The following HNMT variants were observed in gnomAD, a reference collection of about 807,000 sequenced individuals.
The protein encoded by HNMT is histamine N-methyltransferase.
Under a neutral mutation model 32.1 loss-of-function variants are expected in HNMT, and 30 were observed. The observed-to-expected ratio is 0.93, with a 90% CI of 0.70 to 1.27. HNMT has a LOEUF of 1.27. Ranked by LOEUF, HNMT falls within the 50% of genes most tolerant of loss-of-function variation. HNMT has a pLI of 0.00. For synonymous variants in HNMT, 125 were observed against 119.0 expected (o/e 1.05, Z -0.33); for missense variants, 327 against 346.0 (o/e 0.95, Z 0.43).
At position 137,991,020 on chromosome 2, in the gene HNMT, AC is replaced by A. The variant is rs553677365; in HGVS notation, c.191-9894del. Among the ~76,000 whole-genome samples the A allele has an allele frequency of 4.6e-5, 7 of 152,128 alleles. No homozygotes were observed. In the South Asian group the frequency reaches 1.2e-3, roughly 27 times the overall value. Reference sequence around the variant, plus strand: ...CCAGCTTCAAGTTGAGGTTTCCACAACCCCTCTTTGGGTTTGATTAATTTAC... The same window carrying A: ...CCAGCTTCAAGTTGAGGTTTCCACAACCCTCTTTGGGTTTGATTAATTTAC... On this transcript the variant is annotated intron_variant, in intron 2 of 5. Transcript: ENST00000280097.
rs1397352208 is a variant in HNMT, at chr2:137,964,600, G to C, written c.109G>C (p.Asp37His). The C allele has an allele frequency of 1.9e-6, 3 of 1,613,836 alleles. No homozygotes were observed. The highest frequency in any genetic ancestry group is 1.7e-6 in the Non-Finnish European group (2 of 1,179,814). ...TEHQCMQEFM[D>H]KKLPGIIGRI... ...ACACCAGTGCATGCAGGAATTCATG[G>C]ACAAGAAGCTGCCAGGCATAATAGG... The change falls in exon 1 of 6, where the codon GAC becomes CAC. Residue 37 changes from aspartate (D) to histidine (H), a missense_variant. Physicochemically the swap from Asp to His is moderately conservative, Grantham distance 81. Coordinates refer to ENST00000280097, the MANE Select transcript of HNMT (RefSeq NM_006895.3).
chr2:138,014,371 T>C lies in HNMT; in HGVS notation c.*241T>C, dbSNP rs1189099704. Reference sequence around the variant, plus strand: ...CAAGCAGGCTCAACATAACATAAGCTAGAAAAATTAGATGACTGAATTTCT... The same window carrying C: ...CAAGCAGGCTCAACATAACATAAGCCAGAAAAATTAGATGACTGAATTTCT... On this transcript the variant is annotated 3_prime_UTR_variant, in exon 6 of 6. Transcript: ENST00000280097. The C allele has an allele frequency of 2.7e-6, 1 of 372,504 alleles. No individual in the cohort carries two copies. Among genetic ancestry groups the C allele is most frequent in the Non-Finnish European group, 4.8e-6 (1 of 207,580 alleles). The allele number at this position is 372,504 out of a possible 1,614,324, so 23.1% of individuals were successfully genotyped here. A position where few individuals can be genotyped will look rare whatever the true frequency, so the allele number is the denominator to read the frequency against.
chr2:137,995,461 A>G (rs924771940), intron 2 of HNMT, among the ~76,000 whole-genome samples: 1 of 152,182 alleles, frequency 6.6e-6, no homozygotes, highest in African/African-American at 2.4e-5. Context: ...CTAAGACTAG[A>G]CCAAGAAGAA....
rs758209010 is a variant in HNMT, at chr2:138,014,125, G to T, written c.874G>T (p.Ala292Ser). The change falls in exon 6 of 6, where the codon GCA becomes TCA. Residue 292 changes from alanine to serine, a missense_variant. Coordinates refer to ENST00000280097, the MANE Select transcript of HNMT (RefSeq NM_006895.3). ...TACTCTGAGTTTCATAGTGATTGAG[G>T]CATAACTATCAATCACAAAAGTATA... ...NNTLSFIVIE[A>S] The T allele has an allele frequency of 4.7e-6, 7 of 1,504,278 alleles. No individual in the cohort carries two copies. Among genetic ancestry groups the T allele is most frequent in the Non-Finnish European group, 6.4e-6 (7 of 1,101,460 alleles). 93.2% of individuals were successfully genotyped at this position (1,504,278 alleles called of 1,614,324 possible).
chr2:138,013,035 G>T (rs544151572), intron 5 of HNMT, among the ~76,000 whole-genome samples: 2 of 152,070 alleles, frequency 1.3e-5, no homozygotes, highest in African/African-American at 4.8e-5. Context: ...CTAATGTGCT[G>T]TTCCATACAG....
rs1681405925 is a variant in HNMT at position 138,008,715 on chromosome 2, C to T, written c.523+3490C>T. 2.0e-5 allele frequency among the ~76,000 whole-genome samples: 3 copies of T among 151,962 alleles called. No homozygotes were observed. In the South Asian group the frequency reaches 6.2e-4, roughly 32 times the overall value. On this transcript the variant is annotated intron_variant, in intron 5 of 5. Transcript: ENST00000280097. ...CAATAAATGGTGGTGGGATAACTGG[C>T]TAGCCATATGCAGAAGACTGAAGCC...
At chr2:137,968,862 T>G (rs1489568204) in intron 1 of HNMT, among the ~76,000 whole-genome samples, 5 of 152,206 alleles carry the variant, frequency 3.3e-5, no homozygotes, top group Non-Finnish European at 7.3e-5. Context: ...AAACACAGTT[T>G]TGTTTGCCAT....
At chr2:138,009,388 T>C (rs544507741) in intron 5 of HNMT, among the ~76,000 whole-genome samples, 36 of 151,968 alleles carry the variant, frequency 2.4e-4, no homozygotes, top group Non-Finnish European at 4.3e-4. Context: ...CCAGCAACCC[T>C]CTTATAGAGT....
intron 2 of HNMT, 54 bp from the exon 3 acceptor site, chr2:138,000,864 T>C (rs1681147470): frequency 3.1e-6 from 3 of 980,714 alleles, no homozygotes; most frequent in Non-Finnish European, 4.6e-6. Flanking sequence ...TAAAATTGTT[T>C]TTAATCATTT....
At chr2:137,980,809 C>A (rs1480571259) in intron 2 of HNMT, among the ~76,000 whole-genome samples, 1 of 152,036 alleles carries the variant, frequency 6.6e-6, no homozygotes, top group Non-Finnish European at 1.5e-5. Context: ...TTCATATAGA[C>A]AGAACTGCTT....
intron 2 of HNMT, among the ~76,000 whole-genome samples, chr2:137,998,250 T>A (rs1321777658): frequency 1.3e-5 from 2 of 152,188 alleles, no homozygotes; most frequent in Non-Finnish European, 2.9e-5. Context: ...GGTAAAATAA[T>A]TAAAATTATT....
intron 2 of HNMT, among the ~76,000 whole-genome samples, chr2:137,976,961 G>C (rs1240172563): frequency 6.6e-6 from 1 of 152,116 alleles, no homozygotes; most frequent in East Asian, 1.9e-4. Flanking sequence ...GAGTAAACAA[G>C]ATTGTTTTGG....
intron 2 of HNMT, among the ~76,000 whole-genome samples, chr2:137,992,596 G>A (rs1328440309): frequency 1.3e-5 from 2 of 152,190 alleles, no homozygotes; most frequent in Non-Finnish European, 2.9e-5. Context: ...AGGGATGGCT[G>A]CAGTCTCTGT....
chr2:137,998,961 T>A (rs1454194218), intron 2 of HNMT, among the ~76,000 whole-genome samples: 1 of 152,192 alleles, frequency 6.6e-6, no homozygotes, highest in African/African-American at 2.4e-5. Context: ...CCCACAGCTA[T>A]TCTTACCAGC....
In HNMT at chr2:138,013,985, C is replaced by G; in HGVS notation, c.734C>G (p.Thr245Ser). ...GGAGACCTGCTTTGGGATTTTTTGA[C>G]TGAAACCTGCAACTTTAATGCCACA... ...ENGDLLWDFLTETCNFNATAP... is the reference protein window; with the variant it reads ...ENGDLLWDFLSETCNFNATAP... Residue 245 changes from threonine to serine, a missense_variant, in exon 6 of 6, where the codon ACT (threonine) becomes AGT (serine). Transcript: ENST00000280097. 1 of 1,613,708 alleles carries G rather than the reference C, an allele frequency of 6.2e-7. No homozygotes were observed. Among genetic ancestry groups the G allele is most frequent in the South Asian group, 1.1e-5 (1 of 91,070 alleles).
intron 1 of HNMT, chr2:137,967,164 A>C (rs772065630): frequency 1.3e-6 from 1 of 771,712 alleles, no homozygotes; most frequent in South Asian, 1.4e-5. Context: ...TAATCCTAGC[A>C]CTTCGGGAGG....
At position 138,013,784 on chromosome 2, in the gene HNMT, G is replaced by T. The variant is rs1284830533; in HGVS notation, c.533G>T (p.Gly178Val). 29 of 1,610,296 alleles carry T rather than the reference G, an allele frequency of 1.8e-5. No homozygotes were observed. The highest frequency in any genetic ancestry group is 2.5e-5 in the Non-Finnish European group (29 of 1,177,376). ...MLIIVVSGSS[G>V]WDKLWKKYGS... ...GTGTTTTATTGCACAGGAAGCAGTGGCTGGGACAAGCTGTGGAAAAAGTAC... is the reference window on the plus strand; with the variant it reads ...GTGTTTTATTGCACAGGAAGCAGTGTCTGGGACAAGCTGTGGAAAAAGTAC... Residue 178 changes from glycine (G) to valine (V), a missense_variant, in exon 6 of 6, where the codon GGC (glycine) becomes GTC (valine). Transcript: ENST00000280097.
chr2:137,971,226 GA>G (rs1680126851), intron 2 of HNMT, among the ~76,000 whole-genome samples: 1 of 151,738 alleles, frequency 6.6e-6, no homozygotes, highest in Non-Finnish European at 1.5e-5. Flanking sequence ...CGCCCAGGCT[GA>G]AATGTGCAGT....
intron 2 of HNMT, among the ~76,000 whole-genome samples, chr2:137,972,590 G>A (rs1558951708): frequency 6.6e-6 from 1 of 152,038 alleles, no homozygotes; most frequent in Non-Finnish European, 1.5e-5. Flanking sequence ...GGGTATTTAA[G>A]CTAAAATACT....
Sources: allele counts gnomAD v4.1 joint callset (sites outside exome capture counted in the v4.1 genomes callset), GRCh38; gene constraint gnomAD v4.1.1; transcripts MANE v1.5; gene names NCBI Gene and HGNC (gene_info 2026-07-23, HGNC 2026-07-21).